TNNI3K: variants seen among roughly 807,000 people sequenced by gnomAD.
TNNI3K encodes serine/threonine-protein kinase TNNI3K.
Under a neutral mutation model 114.5 loss-of-function variants are expected in TNNI3K, and 140 were observed. The ratio of observed to expected loss-of-function variants is 1.22; its 90% CI spans 1.07 to 1.41. The LOEUF (loss-of-function observed/expected upper bound fraction) is 1.41, where lower values mean the gene tolerates loss of function less well. Among genes scored for constraint, TNNI3K ranks in the 40% most tolerant of loss-of-function variants. The pLI is 0.00. For missense variants in TNNI3K, 1,125 were observed against 1,007.6 expected (o/e 1.12, Z -1.58); for synonymous variants, 347 against 347.5 (o/e 1.00, Z 0.02).
chr1:74,497,956 C>T (rs530001767), intron 23 of TNNI3K, among the ~76,000 whole-genome samples: 106 of 152,214 alleles, frequency 7.0e-4, no homozygotes, highest in African/African-American at 2.4e-3. Context: ...TCAGATGCAT[C>T]CTAGGCTTTT....
At chr1:74,402,391 G>GA (rs1027753066) in intron 17 of TNNI3K, among the ~76,000 whole-genome samples, 29 of 152,056 alleles carry the variant, frequency 1.9e-4, no homozygotes, top group Non-Finnish European at 1.9e-4. Context: ...AAAACCCACT[G>GA]AAAAAAATGT....
At chr1:74,352,388 G>T (rs1661406252) in intron 9 of TNNI3K, among the ~76,000 whole-genome samples, 1 of 152,332 alleles carries the variant, frequency 6.6e-6, no homozygotes, top group Admixed American at 6.5e-5. Context: ...ACTGGGGGAT[G>T]CCTCCCAGTT....
At chr1:74,398,365 C>G (rs1664190546) in intron 17 of TNNI3K, among the ~76,000 whole-genome samples, 2 of 152,096 alleles carry the variant, frequency 1.3e-5, no homozygotes, top group Non-Finnish European at 2.9e-5. Flanking sequence ...TTGGGGTCCC[C>G]AGGCCACGTG....
chr1:74,340,130 G>A (rs373575685), intron 7 of TNNI3K, among the ~76,000 whole-genome samples: 65 of 152,064 alleles, frequency 4.3e-4, no homozygotes, highest in African/African-American at 1.4e-3. Context: ...GACATTGCTT[G>A]GTCAATCTGG....
chr1:74,345,261 T>A (rs543954100), intron 9 of TNNI3K, among the ~76,000 whole-genome samples: 4 of 152,102 alleles, frequency 2.6e-5, no homozygotes, highest in Non-Finnish European at 5.9e-5. Flanking sequence ...ACTCAATAAT[T>A]CAAGAAAAAG....
chr1:74,300,488 A>G (rs1224200303), intron 5 of TNNI3K, among the ~76,000 whole-genome samples: 3 of 152,230 alleles, frequency 2.0e-5, no homozygotes, highest in Non-Finnish European at 4.4e-5. Flanking sequence ...TTTTGATGTT[A>G]GAAGATCGAA....
intron 20 of TNNI3K, among the ~76,000 whole-genome samples, chr1:74,444,099 C>G: frequency 6.6e-6 from 1 of 152,178 alleles, no homozygotes; most frequent in East Asian, 1.9e-4. Flanking sequence ...AAAACTGGCA[C>G]AAGACAAGGA....
At chr1:74,459,156 G>T (rs1413415397) in intron 20 of TNNI3K, among the ~76,000 whole-genome samples, 2 of 152,130 alleles carry the variant, frequency 1.3e-5, no homozygotes, top group Non-Finnish European at 2.9e-5. Flanking sequence ...ATACTATATG[G>T]CCATAAAAAG....
chr1:74,295,135 T>G (rs1657902854), intron 5 of TNNI3K, among the ~76,000 whole-genome samples: 1 of 150,038 alleles, frequency 6.7e-6, no homozygotes, highest in Admixed American at 6.7e-5. Flanking sequence ...GGTCATTTAT[T>G]TTTTCATTGC....
In TNNI3K at chr1:74,377,973, C is replaced by T. The variant is rs182070785; in HGVS notation, c.1772+7581C>T. On this transcript the variant is annotated intron_variant, in intron 17 of 24. Coordinates refer to ENST00000326637, the MANE Select transcript of TNNI3K (RefSeq NM_015978.3). The stretch of plus-strand genomic sequence containing the variant: ...AAACAGACACATTTCCATATGTTTT[C>T]GTAATGCTTCCAGCCTTTTAAAACT... Among the ~76,000 whole-genome samples, 30 of 152,130 alleles carry T rather than the reference C, an allele frequency of 2.0e-4. No individual in the cohort carries two copies. The East Asian group carries it at 4.5e-3, about 23-fold the overall frequency.
At chr1:74,239,906 A>G (rs1317703818) in intron 2 of TNNI3K, 3 of 468,236 alleles carry the variant, frequency 6.4e-6, no homozygotes, top group East Asian at 1.4e-4. Context: ...ATGTTCTTTC[A>G]TCTTCTGCTA....
At chr1:74,462,936 A>G (rs1022646254) in intron 20 of TNNI3K, among the ~76,000 whole-genome samples, 3 of 152,220 alleles carry the variant, frequency 2.0e-5, no homozygotes, top group African/African-American at 7.2e-5. Flanking sequence ...TTAAAAATTA[A>G]AATCCCAACA....
chr1:74,359,084 GTCTT>G (rs1325110070), intron 11 of TNNI3K, among the ~76,000 whole-genome samples: 1 of 151,968 alleles, frequency 6.6e-6, no homozygotes. Flanking sequence ...TAGGAGGTCT[GTCTT>G]GTTGTAGAAT....
At position 74,492,184 on chromosome 1, in the gene TNNI3K, C is replaced by T. The variant is rs201798397; in HGVS notation, c.2269C>T (p.Arg757Trp). 2.4e-5 allele frequency: 38 copies of T among 1,612,696 alleles called. No homozygotes were observed. The highest frequency in any genetic ancestry group is 3.1e-5 in the Non-Finnish European group (37 of 1,179,164). Residue 757 changes from arginine to tryptophan, a missense_variant, in exon 23 of 25, where the codon CGG becomes TGG. Arg to Trp is a moderately radical substitution (Grantham distance 101). Coordinates refer to ENST00000326637, the MANE Select transcript of TNNI3K (RefSeq NM_015978.3). ...DCLVNRGGPG[R>W]SHVAALRSRF... ...CCTGGTGAACCGGGGAGGACCTGGC[C>T]GGAGTCATGTGGCAGCATTAAGAAG... is the stretch of plus-strand genomic sequence containing the variant.
intron 6 of TNNI3K, among the ~76,000 whole-genome samples, chr1:74,333,797 T>G (rs1250256917): frequency 1.3e-5 from 2 of 152,238 alleles, no homozygotes; most frequent in East Asian, 3.8e-4. Flanking sequence ...TTCCTAGGTA[T>G]GTAATAATAG....
intron 5 of TNNI3K, among the ~76,000 whole-genome samples, chr1:74,328,439 G>C (rs1660029806): frequency 6.6e-6 from 1 of 152,076 alleles, no homozygotes; most frequent in Non-Finnish European, 1.5e-5. Context: ...ATTCCCGTTA[G>C]AATGCTGGGA....
chr1:74,312,224 A>G (rs1192527848), intron 5 of TNNI3K, among the ~76,000 whole-genome samples: 1 of 152,224 alleles, frequency 6.6e-6, no homozygotes, highest in East Asian at 1.9e-4. Context: ...GAGATTATTA[A>G]AAGTAGGATA....
intron 5 of TNNI3K, among the ~76,000 whole-genome samples, chr1:74,317,209 G>A (rs1659362818): frequency 6.6e-6 from 1 of 152,134 alleles, no homozygotes; most frequent in Non-Finnish European, 1.5e-5. Flanking sequence ...ATATATCCAT[G>A]GTCATGGAGG....
intron 17 of TNNI3K, among the ~76,000 whole-genome samples, chr1:74,386,483 A>G (rs1390982655): frequency 6.6e-6 from 1 of 152,160 alleles, no homozygotes; most frequent in African/African-American, 2.4e-5. Context: ...TATGGGATCT[A>G]ATGAAATTTG....
Sources: allele counts gnomAD v4.1 joint callset (sites outside exome capture counted in the v4.1 genomes callset), GRCh38; gene constraint gnomAD v4.1.1; transcripts MANE v1.5; gene names NCBI Gene and HGNC (gene_info 2026-07-23, HGNC 2026-07-21).